PPARGC1A: variants seen among roughly 807,000 people sequenced by gnomAD.
PPARGC1A encodes the protein PPARG coactivator 1 alpha.
Under a neutral mutation model 88.7 loss-of-function variants are expected in PPARGC1A, and 25 were observed. The ratio of observed to expected loss-of-function variants is 0.28; its 90% CI spans 0.21 to 0.39. The LOEUF is 0.39. Among genes scored for constraint, PPARGC1A ranks in the 10% least tolerant of loss-of-function variants. PPARGC1A has a pLI of 1.00. For synonymous variants in PPARGC1A, 363 were observed against 355.6 expected (o/e 1.02, Z -0.24); for missense variants, 880 against 968.7 (o/e 0.91, Z 1.22).
intron 1 of PPARGC1A, chr4:23,889,219 C>T (rs2148850692): frequency 2.0e-6 from 2 of 985,392 alleles, no homozygotes; most frequent in Admixed American, 6.1e-5. Flanking sequence ...GGCAGCTCTC[C>T]GTGGTACAGG....
the PPARGC1A span, among the ~76,000 whole-genome samples, chr4:24,229,378 A>G: frequency 2.0e-5 from 3 of 148,368 alleles, no homozygotes; most frequent in African/African-American, 7.4e-5. Context: ...CGAACTTCTG[A>G]CCTCAGGTGA....
the PPARGC1A span, chr4:24,091,363 C>A: frequency 1.2e-6 from 1 of 859,578 alleles, no homozygotes; most frequent in Non-Finnish European, 1.4e-6. Flanking sequence ...GACGTGCTTG[C>A]AGATAGCACA....
chr4:24,049,188 C>G, the PPARGC1A span, among the ~76,000 whole-genome samples: 1 of 147,608 alleles, frequency 6.8e-6, no homozygotes, highest in African/African-American at 2.5e-5. Flanking sequence ...GAGACTGTCT[C>G]TCTCTATATA....
At chr4:24,305,595 C>A in the PPARGC1A span, among the ~76,000 whole-genome samples, 1 of 152,130 alleles carries the variant, frequency 6.6e-6, no homozygotes, top group African/African-American at 2.4e-5. Context: ...GGTGGATCAC[C>A]TGAAGTTGGG....
At chr4:24,115,244 T>G in the PPARGC1A span, among the ~76,000 whole-genome samples, 1 of 152,180 alleles carries the variant, frequency 6.6e-6, no homozygotes, top group African/African-American at 2.4e-5. Context: ...CAATTAAATA[T>G]AAATGAATTC....
chr4:23,928,392 T>G, the PPARGC1A span, among the ~76,000 whole-genome samples: 1 of 152,148 alleles, frequency 6.6e-6, no homozygotes, highest in Non-Finnish European at 1.5e-5. Context: ...AAAGCCACAA[T>G]GAGATACCAT....
chr4:24,314,095 A>C, the PPARGC1A span, among the ~76,000 whole-genome samples: 2 of 152,248 alleles, frequency 1.3e-5, no homozygotes, highest in East Asian at 3.8e-4. Flanking sequence ...TCAAAGATTC[A>C]TACATATGTC....
the PPARGC1A span, among the ~76,000 whole-genome samples, chr4:24,175,294 G>A: frequency 6.6e-6 from 1 of 151,414 alleles, no homozygotes; most frequent in African/African-American, 2.4e-5. Flanking sequence ...ATGATAAAGA[G>A]ATGATCCCAT....
the PPARGC1A span, among the ~76,000 whole-genome samples, chr4:24,019,697 C>T: frequency 1.3e-5 from 2 of 152,150 alleles, no homozygotes; most frequent in South Asian, 2.1e-4. Context: ...GAAAATGGGG[C>T]TATAAAAATA....
chr4:24,453,546 C>T, the PPARGC1A span, among the ~76,000 whole-genome samples: 3 of 152,166 alleles, frequency 2.0e-5, no homozygotes, highest in Non-Finnish European at 4.4e-5. Flanking sequence ...TTTGGGAGGC[C>T]AAGTGGGTGG....
chr4:23,928,425 T>C, the PPARGC1A span, among the ~76,000 whole-genome samples: 5 of 152,290 alleles, frequency 3.3e-5, no homozygotes, highest in East Asian at 9.7e-4. Context: ...AGAGTAGTGA[T>C]TGTTATTAAA....
chr4:23,953,286 A>G, the PPARGC1A span, among the ~76,000 whole-genome samples: 3 of 152,244 alleles, frequency 2.0e-5, no homozygotes, highest in East Asian at 5.8e-4. Context: ...TGTAATTGCA[A>G]TGTAGCTATC....
chr4:24,262,719 AAGC>A, the PPARGC1A span, among the ~76,000 whole-genome samples: 1 of 152,158 alleles, frequency 6.6e-6, no homozygotes, highest in African/African-American at 2.4e-5. Flanking sequence ...TTCTCAAGTT[AAGC>A]AGCCCAGCAG....
At chr4:24,077,314 G>A in the PPARGC1A span, among the ~76,000 whole-genome samples, 64 of 152,046 alleles carry the variant, frequency 4.2e-4, no homozygotes, top group African/African-American at 1.5e-3. Flanking sequence ...AATTCATAAA[G>A]ACCTTGTATA....
At chr4:24,329,108 C>T in the PPARGC1A span, among the ~76,000 whole-genome samples, 3 of 147,048 alleles carry the variant, frequency 2.0e-5, no homozygotes, top group South Asian at 2.1e-4. Context: ...AAATGTGGAA[C>T]GGAGCAGAGT....
the PPARGC1A span, among the ~76,000 whole-genome samples, chr4:24,387,954 A>G: frequency 7.0e-6 from 1 of 142,332 alleles, no homozygotes. Flanking sequence ...GAAAGAAAGA[A>G]AGAAAGGGAG....
the PPARGC1A span, among the ~76,000 whole-genome samples, chr4:24,270,444 C>A: frequency 6.6e-6 from 1 of 151,848 alleles, no homozygotes; most frequent in South Asian, 2.1e-4. Context: ...TACATTATTT[C>A]ATTAAATATA....
At chr4:24,019,110 A>G in the PPARGC1A span, among the ~76,000 whole-genome samples, 1 of 152,214 alleles carries the variant, frequency 6.6e-6, no homozygotes, top group Non-Finnish European at 1.5e-5. Flanking sequence ...TTAATAGCCA[A>G]ATAACACAAT....
chr4:24,288,139 C>T, the PPARGC1A span, among the ~76,000 whole-genome samples: 1 of 152,186 alleles, frequency 6.6e-6, no homozygotes, highest in Non-Finnish European at 1.5e-5. Flanking sequence ...AGTAGCTTTA[C>T]TGTTATATCC....
Sources: allele counts gnomAD v4.1 joint callset (sites outside exome capture counted in the v4.1 genomes callset), GRCh38; gene constraint gnomAD v4.1.1; transcripts MANE v1.5; gene names NCBI Gene and HGNC (gene_info 2026-07-23, HGNC 2026-07-21).